Variants in LARGE1 observed in about 807,000 individuals in gnomAD.
LARGE1 encodes xylosyl- and glucuronyltransferase LARGE1.
LARGE1 carries 43 observed loss-of-function variants against 87.6 expected under a neutral mutation model. The ratio of observed to expected loss-of-function variants is 0.49; its 90% CI spans 0.38 to 0.63. The LOEUF (loss-of-function observed/expected upper bound fraction) is 0.63, where lower values mean the gene tolerates loss of function less well. LARGE1 is among the 30% of genes least tolerant of loss of function. LARGE1 has a pLI of 0.00. For synonymous variants in LARGE1, 434 were observed against 394.6 expected (o/e 1.10, Z -1.18); for missense variants, 802 against 1,000.2 (o/e 0.80, Z 2.67).
chr22:33,187,783 G>C (rs1923556931), intron 11 of LARGE1, among the ~76,000 whole-genome samples: 1 of 151,550 alleles, frequency 6.6e-6, no homozygotes, highest in Admixed American at 6.6e-5. Flanking sequence ...AATTAGCCGG[G>C]CATGGTGGCG....
At chr22:33,832,140 T>C (rs2062990269) in intron 1 of LARGE1, among the ~76,000 whole-genome samples, 1 of 152,200 alleles carries the variant, frequency 6.6e-6, no homozygotes, top group Non-Finnish European at 1.5e-5. Flanking sequence ...CTTTTCTTAC[T>C]GGAGTACCTT....
chr22:33,892,503 A>G (rs569233191), intron 1 of LARGE1, among the ~76,000 whole-genome samples: 1 of 152,348 alleles, frequency 6.6e-6, no homozygotes, highest in African/African-American at 2.4e-5. Context: ...AAGTCAAAGG[A>G]GTTGGGTAGG....
At chr22:33,394,778 T>C (rs2065668067) in intron 7 of LARGE1, among the ~76,000 whole-genome samples, 2 of 150,640 alleles carry the variant, frequency 1.3e-5, no homozygotes, top group Non-Finnish European at 3.0e-5. Context: ...CATAACTAAA[T>C]ACGGTGAGGC....
At chr22:33,524,289 CA>C (rs57046363) in intron 6 of LARGE1, among the ~76,000 whole-genome samples, 1,022 of 94,732 alleles carry the variant, frequency 0.011, 9 homozygotes, top group East Asian at 0.028. Flanking sequence ...AGACTCCCCT[CA>C]AAAAAAAAAA....
At chr22:33,084,399 CT>C in the LARGE1 span, among the ~76,000 whole-genome samples, 1 of 151,930 alleles carries the variant, frequency 6.6e-6, no homozygotes. Context: ...TGGCTCATGC[CT>C]TTAATCTCAA....
the LARGE1 span, among the ~76,000 whole-genome samples, chr22:33,120,358 TTTTC>T: frequency 0.071 from 8,360 of 118,416 alleles, 272 homozygotes; most frequent in East Asian, 0.11. Flanking sequence ...TTTTCTTTCT[TTTTC>T]TTTCTTTCTT....
rs368091204 is a variant in LARGE1 at position 33,674,362 on chromosome 22, A to C, written c.107-23694T>G. On this transcript the variant is annotated intron_variant, in intron 2 of 14. Transcript: ENST00000397394. ...AGAATCATATAGTCTTTACTTGTTT[A>C]TTACTGGCTTATTTCACCTACTATC... 3.9e-5 allele frequency among the ~76,000 whole-genome samples: 6 copies of C among 152,234 alleles called. No homozygotes were observed. In the South Asian group the frequency reaches 8.3e-4, roughly 21 times the overall value.
the LARGE1 span, among the ~76,000 whole-genome samples, chr22:33,098,651 T>C: frequency 5.3e-5 from 8 of 152,086 alleles, no homozygotes; most frequent in African/African-American, 1.9e-4. Context: ...ATAAAAAATA[T>C]AGTATGTTTT....
At chr22:33,143,038 A>G in the LARGE1 span, among the ~76,000 whole-genome samples, 2 of 152,152 alleles carry the variant, frequency 1.3e-5, no homozygotes, top group Admixed American at 6.5e-5. Context: ...ACCTGGCATC[A>G]TTTTTTCAGC....
intron 1 of LARGE1, among the ~76,000 whole-genome samples, chr22:33,786,228 A>G (rs2085637144): frequency 6.6e-6 from 1 of 152,148 alleles, no homozygotes; most frequent in South Asian, 2.1e-4. Flanking sequence ...AAAGGCTCTT[A>G]TTTTTACTAT....
chr22:33,804,738 C>G (rs949709256), intron 1 of LARGE1, among the ~76,000 whole-genome samples: 1 of 152,182 alleles, frequency 6.6e-6, no homozygotes, highest in Non-Finnish European at 1.5e-5. Flanking sequence ...AACTAGCCCC[C>G]AATGTCCCCA....
intron 5 of LARGE1, among the ~76,000 whole-genome samples, chr22:33,569,386 G>C (rs969201705): frequency 1.3e-5 from 2 of 152,064 alleles, no homozygotes; most frequent in Non-Finnish European, 2.9e-5. Context: ...AAGACTACAG[G>C]AATAAATTAA....
At chr22:33,875,239 C>T (rs1265873274) in intron 1 of LARGE1, among the ~76,000 whole-genome samples, 2 of 152,214 alleles carry the variant, frequency 1.3e-5, no homozygotes, top group Non-Finnish European at 1.5e-5. Context: ...CTACCCACAC[C>T]CCACCCTCAC....
rs1349436659 is a variant in LARGE1, at chr22:33,626,242, AC to A, written c.491+1del. The A allele has an allele frequency of 6.2e-7, 1 of 1,613,348 alleles. No individual in the cohort carries two copies. Among genetic ancestry groups the A allele is most frequent in the African/African-American group, 1.3e-5 (1 of 74,898 alleles). On this transcript the variant is annotated splice_donor_variant, in intron 4 of 14. Coordinates refer to ENST00000397394, the MANE Select transcript of LARGE1 (RefSeq NM_133642.5). LOFTEE classifies it high-confidence loss of function. ...CCCACACAGCACAGAAGTTGTTCTT[AC>A]CTATGGAACAGGACGGATTTGACCA... is the stretch of plus-strand genomic sequence containing the variant.
intron 2 of LARGE1, among the ~76,000 whole-genome samples, chr22:33,725,962 G>GTATGT (rs1382115768): frequency 6.6e-5 from 10 of 152,062 alleles, no homozygotes; most frequent in Non-Finnish European, 1.2e-4. Context: ...AGATGCTGCT[G>GTATGT]GTACATAGTA....
At chr22:33,195,280 A>T (rs1924005467) in intron 11 of LARGE1, among the ~76,000 whole-genome samples, 1 of 152,160 alleles carries the variant, frequency 6.6e-6, no homozygotes, top group South Asian at 2.1e-4. Flanking sequence ...TCACTCAGCA[A>T]CTGGTAAAAT....
At chr22:33,631,620 G>A (rs1454309431) in intron 3 of LARGE1, among the ~76,000 whole-genome samples, 1 of 151,994 alleles carries the variant, frequency 6.6e-6, no homozygotes, top group Non-Finnish European at 1.5e-5. Context: ...CATCTCCTGC[G>A]ACAGCAAGGC....
Position 33,809,099 on chromosome 22 carries a change from C to G in LARGE1, c.-82-47541G>C, listed in dbSNP as rs938620203. Among the ~76,000 whole-genome samples the G allele has an allele frequency of 1.4e-4, 21 of 152,022 alleles. 1 individual carries two copies. Among genetic ancestry groups the G allele is most frequent in the Non-Finnish European group, 2.5e-4 (17 of 68,006 alleles). On this transcript the variant is annotated intron_variant, in intron 1 of 14. Transcript: ENST00000397394. ...CCAGCCTGGCCAACATGGAGAAACCCCATCTCTACTAAAAGTACAAAAATT... is the reference window on the plus strand; with the variant it reads ...CCAGCCTGGCCAACATGGAGAAACCGCATCTCTACTAAAAGTACAAAAATT...
intron 6 of LARGE1, among the ~76,000 whole-genome samples, chr22:33,555,006 T>C (rs1234604679): frequency 6.6e-6 from 1 of 152,192 alleles, no homozygotes; most frequent in Non-Finnish European, 1.5e-5. Context: ...TCTGCATCTG[T>C]GGATTCAACC....
Sources: allele counts gnomAD v4.1 joint callset (sites outside exome capture counted in the v4.1 genomes callset), GRCh38; gene constraint gnomAD v4.1.1; transcripts MANE v1.5; gene names NCBI Gene and HGNC (gene_info 2026-07-23, HGNC 2026-07-21).